The following IL1RAP variants were observed in gnomAD, a reference collection of about 807,000 sequenced individuals.
IL1RAP encodes interleukin 1 receptor accessory protein.
In IL1RAP, 35 loss-of-function variants were observed where a neutral mutation model predicts 60.7. The observed-to-expected ratio is 0.58, with a 90% CI of 0.44 to 0.76. The LOEUF is 0.76. Ranked by LOEUF, IL1RAP falls within the 30% of genes least tolerant of loss-of-function variation. The pLI is 0.00. For synonymous variants in IL1RAP, 268 were observed against 250.9 expected (o/e 1.07, Z -0.64); for missense variants, 572 against 693.9 (o/e 0.82, Z 1.97).
intron 9 of IL1RAP, among the ~76,000 whole-genome samples, chr3:190,632,191 T>C (rs1186570813): frequency 6.6e-6 from 1 of 152,246 alleles, no homozygotes; most frequent in Non-Finnish European, 1.5e-5. Context: ...TCCAAAGAGA[T>C]TGTACCATTT....
At chr3:190,537,629 A>C (rs557648123) in intron 1 of IL1RAP, among the ~76,000 whole-genome samples, 3 of 152,122 alleles carry the variant, frequency 2.0e-5, no homozygotes, top group African/African-American at 4.8e-5. Flanking sequence ...AATTTACAGA[A>C]AGGCAATTAT....
intron 9 of IL1RAP, among the ~76,000 whole-genome samples, chr3:190,633,951 A>G (rs1048409628): frequency 5.3e-5 from 8 of 152,122 alleles, no homozygotes; most frequent in Non-Finnish European, 4.4e-5. Flanking sequence ...ATTGTTTCCA[A>G]ATTTAGAGGG....
intron 3 of IL1RAP, among the ~76,000 whole-genome samples, chr3:190,598,754 C>T (rs1729599627): frequency 6.6e-6 from 1 of 151,990 alleles, no homozygotes; most frequent in Non-Finnish European, 1.5e-5. Flanking sequence ...GTGTAGTCAA[C>T]CCAAGGCATT....
At chr3:190,653,565 GA>G (rs201568842), downstream of IL1RAP, among the ~76,000 whole-genome samples, 11,094 of 144,786 alleles carry the variant, frequency 0.077, 1,104 homozygotes, top group African/African-American at 0.24. Flanking sequence ...ATCCAGAGGA[GA>G]AAAAAAAAAA....
At chr3:190,527,405 T>C (rs1722600558) in intron 1 of IL1RAP, among the ~76,000 whole-genome samples, 1 of 152,212 alleles carries the variant, frequency 6.6e-6, no homozygotes. Flanking sequence ...TGCAGGGCTG[T>C]GGTGATAAAA....
intron 2 of IL1RAP, among the ~76,000 whole-genome samples, chr3:190,560,992 A>G (rs1030411149): frequency 1.3e-5 from 2 of 152,194 alleles, no homozygotes; most frequent in Non-Finnish European, 2.9e-5. Flanking sequence ...ATCATGCAGT[A>G]AATTACACGG....
intron 1 of IL1RAP, among the ~76,000 whole-genome samples, chr3:190,547,888 G>A (rs1305453149): frequency 6.6e-6 from 1 of 152,186 alleles, no homozygotes; most frequent in African/African-American, 2.4e-5. Flanking sequence ...ATCTCTCTGT[G>A]TAATGGAGAA....
At chr3:190,574,614 T>A (rs1477909082) in intron 3 of IL1RAP, among the ~76,000 whole-genome samples, 1 of 152,226 alleles carries the variant, frequency 6.6e-6, no homozygotes, top group African/African-American at 2.4e-5. Context: ...CCTCAGAGAT[T>A]TTTTTGGGTA....
intron 3 of IL1RAP, among the ~76,000 whole-genome samples, chr3:190,566,312 G>A (rs1726393889): frequency 6.6e-6 from 1 of 152,156 alleles, no homozygotes. Context: ...GTTCATGCCA[G>A]TAATTCATCA....
intron 1 of IL1RAP, among the ~76,000 whole-genome samples, chr3:190,527,067 A>G (rs1722572274): frequency 6.6e-6 from 1 of 152,212 alleles, no homozygotes; most frequent in Non-Finnish European, 1.5e-5. Flanking sequence ...CTATCTCCCT[A>G]GCCTGGATCT....
chr3:190,620,313 C>G lies in IL1RAP; in HGVS notation c.576C>G (p.Pro192=). 6.3e-7 allele frequency: 1 copy of G among 1,591,956 alleles called. No homozygotes were observed. The highest frequency in any genetic ancestry group is 2.2e-5 in the East Asian group (1 of 44,642). Residue 192 remains proline (P), a synonymous_variant, in exon 6 of 12, where the codon CCC becomes CCG. Coordinates refer to ENST00000447382, the MANE Select transcript of IL1RAP (RefSeq NM_002182.4). ...YKIQNFNNVI[P]EGMNLSFLIA... ...TACAGAATTTTAATAATGTAATACCCGAAGGTATGAACTTGAGTTTCCTCA... is the reference window on the plus strand; with the variant it reads ...TACAGAATTTTAATAATGTAATACCGGAAGGTATGAACTTGAGTTTCCTCA...
chr3:190,594,272 TGAG>T (rs1420545105), intron 3 of IL1RAP, among the ~76,000 whole-genome samples: 1 of 152,132 alleles, frequency 6.6e-6, no homozygotes, highest in Non-Finnish European at 1.5e-5. Context: ...CTCCAAGTAA[TGAG>T]GATATAAAAA....
chr3:190,541,593 A>C (rs999854441), intron 1 of IL1RAP, among the ~76,000 whole-genome samples: 2 of 152,138 alleles, frequency 1.3e-5, no homozygotes, highest in African/African-American at 4.8e-5. Flanking sequence ...CTGATTTGAC[A>C]ATTCATTAGC....
intron 3 of IL1RAP, among the ~76,000 whole-genome samples, chr3:190,585,935 C>T (rs1728416437): frequency 6.6e-6 from 1 of 152,160 alleles, no homozygotes; most frequent in South Asian, 2.1e-4. Flanking sequence ...TGACCCTTTA[C>T]CATTCTCATG....
exon 12 of IL1RAP, chr3:190,659,308 AT>A (rs1459527980): frequency 1.3e-5 from 2 of 152,204 alleles, no homozygotes; most frequent in African/African-American, 4.8e-5. Context: ...TCAAAACTAC[AT>A]TTTGGCAAGT....
intron 1 of IL1RAP, among the ~76,000 whole-genome samples, chr3:190,531,371 TTC>T (rs1359110466): frequency 6.6e-6 from 1 of 152,184 alleles, no homozygotes; most frequent in Non-Finnish European, 1.5e-5. Flanking sequence ...ATTTCAGCTG[TTC>T]TGTTTCCTCA....
rs1056094226 is a variant in IL1RAP at position 190,517,384 on chromosome 3, C to CT, written c.-89+3175dup. Among the ~76,000 whole-genome samples, 176 of 149,796 alleles carry CT rather than the reference C, an allele frequency of 1.2e-3. 2 individuals are homozygous for CT. Among genetic ancestry groups the CT allele is most frequent in the African/African-American group, 3.4e-3 (140 of 40,948 alleles). On this transcript the variant is annotated intron_variant, in intron 1 of 11. Coordinates refer to ENST00000447382, the MANE Select transcript of IL1RAP (RefSeq NM_002182.4). ...TATGAGTGTCCATGGCATTATTCAA[C>CT]TTTTTTTTTTGACAATTTTGTGGGT...
At chr3:190,594,960 C>T (rs529810817) in intron 3 of IL1RAP, among the ~76,000 whole-genome samples, 13 of 152,274 alleles carry the variant, frequency 8.5e-5, no homozygotes, top group Non-Finnish European at 1.8e-4. Context: ...CTTCATTGAT[C>T]ATAAAGCCTA....
At chr3:190,584,813 A>C (rs1011332173) in intron 3 of IL1RAP, among the ~76,000 whole-genome samples, 3 of 152,152 alleles carry the variant, frequency 2.0e-5, no homozygotes, top group Non-Finnish European at 2.9e-5. Flanking sequence ...GTTATTTTAA[A>C]AATCTTGCTC....
Sources: gnomAD v4.1 joint callset for allele counts (sites outside exome capture counted in the v4.1 genomes callset) on GRCh38, gnomAD v4.1.1 for gene constraint, MANE v1.5 for transcripts, NCBI Gene and HGNC (gene_info 2026-07-23, HGNC 2026-07-21) for gene names.